LTBP1: variants seen among roughly 807,000 people sequenced by gnomAD.
The protein encoded by LTBP1 is latent transforming growth factor beta binding protein 1, also known as latent-transforming growth factor beta-binding protein 1.
A neutral mutation model predicts 207.6 loss-of-function variants in LTBP1; 129 were observed. The ratio of observed to expected loss-of-function variants is 0.62; its 90% CI spans 0.54 to 0.72. LTBP1 has a LOEUF of 0.72. LTBP1 is among the 30% of genes least tolerant of loss of function. The pLI, the probability that LTBP1 is intolerant of heterozygous loss-of-function variation, is 0.00. For missense variants in LTBP1, 2,281 were observed against 2,217.2 expected (o/e 1.03, Z -0.58); for synonymous variants, 963 against 833.7 (o/e 1.16, Z -2.67).
At chr2:33,115,839 ACT>A (rs1235241894) in intron 4 of LTBP1, among the ~76,000 whole-genome samples, 1 of 152,210 alleles carries the variant, frequency 6.6e-6, no homozygotes, top group Non-Finnish European at 1.5e-5. Flanking sequence ...AACCCAAGTA[ACT>A]CAGACAAAAA....
At chr2:33,069,224 TC>T (rs994323875) in intron 3 of LTBP1, among the ~76,000 whole-genome samples, 3 of 152,138 alleles carry the variant, frequency 2.0e-5, no homozygotes, top group African/African-American at 7.2e-5. Context: ...AAGCCAGACT[TC>T]CGAGAGCCTG....
chr2:33,180,507 G>A (rs5006125), intron 5 of LTBP1, among the ~76,000 whole-genome samples: 77,401 of 149,546 alleles, frequency 0.52, 20,251 homozygotes, highest in African/African-American at 0.53. Context: ...GCTGGAGTGC[G>A]GTGGTGCAAT....
chr2:33,257,416 A>C lies in LTBP1; in HGVS notation c.2300A>C (p.Lys767Thr), dbSNP rs763419388. The C allele has an allele frequency of 3.1e-6, 5 of 1,614,118 alleles. No homozygotes were observed. The highest frequency in any genetic ancestry group is 2.5e-6 in the Non-Finnish European group (3 of 1,180,040). ...VKPKNTQPVA[K>T]STHPPPLPAK... ...CCAAAGAACACTCAACCTGTTGCTA[A>C]AAGTACTCATCCTCCACCTCTCCCA... Residue 767 changes from lysine (K) to threonine (T), a missense_variant, in exon 12 of 34, where the codon AAA (lysine) becomes ACA (threonine). By Grantham distance (78) the Lys-to-Thr change is moderately conservative (BLOSUM62 -1). Coordinates refer to ENST00000404816, the MANE Select transcript of LTBP1 (RefSeq NM_206943.4).
At chr2:33,333,860 A>G (rs2094524753) in intron 24 of LTBP1, among the ~76,000 whole-genome samples, 1 of 152,150 alleles carries the variant, frequency 6.6e-6, no homozygotes, top group Non-Finnish European at 1.5e-5. Context: ...AAGAGAGATC[A>G]TAGAATGAGA....
chr2:33,203,985 C>G (rs1573160783), intron 7 of LTBP1, among the ~76,000 whole-genome samples: 1 of 152,156 alleles, frequency 6.6e-6, no homozygotes, highest in African/African-American at 2.4e-5. Context: ...TTTCTGGGCT[C>G]TGATGGTCTG....
chr2:33,196,174 A>G (rs569830902), intron 7 of LTBP1, among the ~76,000 whole-genome samples: 1 of 152,270 alleles, frequency 6.6e-6, no homozygotes, highest in South Asian at 2.1e-4. Flanking sequence ...CCCACAACAT[A>G]TCTGAGATAT....
At chr2:33,283,916 A>G (rs1486905817) in intron 19 of LTBP1, among the ~76,000 whole-genome samples, 5 of 152,200 alleles carry the variant, frequency 3.3e-5, no homozygotes. Flanking sequence ...GTTATAATCA[A>G]ACATGTACAA....
At chr2:33,264,636 C>T (rs780126648) in intron 15 of LTBP1, among the ~76,000 whole-genome samples, 38 of 152,216 alleles carry the variant, frequency 2.5e-4, no homozygotes, top group Admixed American at 6.5e-5. Flanking sequence ...CAGAAAATTT[C>T]GACTTTCCTG....
intron 7 of LTBP1, among the ~76,000 whole-genome samples, chr2:33,200,321 A>G (rs573811728): frequency 3.5e-4 from 54 of 152,304 alleles, no homozygotes; most frequent in African/African-American, 1.2e-3. Flanking sequence ...AAATAATGCC[A>G]CATATCTACA....
At chr2:33,305,893 G>GTTAA (rs1224089166) in intron 22 of LTBP1, among the ~76,000 whole-genome samples, 1 of 152,182 alleles carries the variant, frequency 6.6e-6, no homozygotes, top group Non-Finnish European at 1.5e-5. Context: ...AGAACCAAAA[G>GTTAA]TTAACCATGG....
chr2:33,066,054 T>C (rs766028188), intron 3 of LTBP1, among the ~76,000 whole-genome samples: 16 of 152,190 alleles, frequency 1.1e-4, no homozygotes, highest in Non-Finnish European at 2.1e-4. Context: ...TTTTTCTTGT[T>C]GAACTCTTTA....
At chr2:33,112,746 A>G (rs2080487713) in intron 4 of LTBP1, among the ~76,000 whole-genome samples, 1 of 152,208 alleles carries the variant, frequency 6.6e-6, no homozygotes, top group African/African-American at 2.4e-5. Flanking sequence ...AAAACTGGAA[A>G]GGAGGTACAG....
intron 3 of LTBP1, among the ~76,000 whole-genome samples, chr2:33,022,102 G>A (rs2075199347): frequency 1.3e-5 from 2 of 152,118 alleles, no homozygotes; most frequent in Admixed American, 1.3e-4. Flanking sequence ...CCTCTGCAGA[G>A]ACAGCTTCCA....
chr2:33,321,255 T>C (rs908430413), intron 24 of LTBP1, among the ~76,000 whole-genome samples: 10 of 152,118 alleles, frequency 6.6e-5, no homozygotes, highest in African/African-American at 2.2e-4. Context: ...GTCCTATTGC[T>C]AAACATCTAT....
chr2:33,326,852 G>T (rs1249505655), intron 24 of LTBP1, among the ~76,000 whole-genome samples: 1 of 151,762 alleles, frequency 6.6e-6, no homozygotes, highest in Non-Finnish European at 1.5e-5. Context: ...GTAGGGAAGG[G>T]TTTCTTTCAC....
rs188034296 is a variant in LTBP1 at position 33,008,601 on chromosome 2, C to G, written c.566-12308C>G. On this transcript the variant is annotated intron_variant, in intron 2 of 33. Coordinates refer to ENST00000404816, the MANE Select transcript of LTBP1 (RefSeq NM_206943.4). ...TCCAGCCCTCATTCATGCATTTACTCCTTCCACGATTACTAACTGATTATC... is the reference window on the plus strand; with the variant it reads ...TCCAGCCCTCATTCATGCATTTACTGCTTCCACGATTACTAACTGATTATC... 8.5e-5 allele frequency among the ~76,000 whole-genome samples: 13 copies of G among 152,314 alleles called. No individual in the cohort carries two copies. The East Asian group carries it at 9.6e-4, about 11-fold the overall frequency.
At chr2:33,339,987 G>A (rs536197502) in intron 24 of LTBP1, among the ~76,000 whole-genome samples, 1 of 152,206 alleles carries the variant, frequency 6.6e-6, no homozygotes, top group East Asian at 1.9e-4. Context: ...AGGAAATGGA[G>A]TTTAGTAGGA....
chr2:33,058,344 T>G (rs1315092673), intron 3 of LTBP1, among the ~76,000 whole-genome samples: 2 of 152,178 alleles, frequency 1.3e-5, no homozygotes, highest in Non-Finnish European at 2.9e-5. Context: ...AAAAGAAAAT[T>G]AGAAGTCTAC....
At chr2:33,268,438 A>G (rs1471565727) in intron 15 of LTBP1, among the ~76,000 whole-genome samples, 3 of 152,356 alleles carry the variant, frequency 2.0e-5, no homozygotes, top group East Asian at 1.9e-4. Context: ...TATCTTTACG[A>G]TGGTGAAATT....
Sources: gnomAD v4.1 joint callset for allele counts (sites outside exome capture counted in the v4.1 genomes callset) on GRCh38, gnomAD v4.1.1 for gene constraint, MANE v1.5 for transcripts, NCBI Gene and HGNC (gene_info 2026-07-23, HGNC 2026-07-21) for gene names.